Variants in IGF2BP3 observed in about 807,000 individuals in gnomAD.
The protein encoded by IGF2BP3 is insulin like growth factor 2 mRNA binding protein 3, also known as insulin-like growth factor 2 mRNA-binding protein 3.
In IGF2BP3, 9 loss-of-function variants were observed where a neutral mutation model predicts 73.8. That is an observed-to-expected ratio of 0.12 (90% confidence interval 0.07 to 0.21). The LOEUF is 0.21. Ranked by LOEUF, IGF2BP3 falls within the 10% of genes least tolerant of loss-of-function variation. IGF2BP3 has a pLI of 1.00. For synonymous variants in IGF2BP3, 258 were observed against 256.7 expected, an observed-to-expected ratio of 1.01 and a Z score of -0.05; for missense variants, 542 against 714.0, an observed-to-expected ratio of 0.76 and a Z score of 2.75.
chr7:23,422,385 T>C (rs1220638897), intron 2 of IGF2BP3, among the ~76,000 whole-genome samples: 3 of 151,472 alleles, frequency 2.0e-5, no homozygotes, highest in Admixed American at 2.0e-4. Context: ...GTGGGAGGAG[T>C]GCTTAAGGCC....
chr7:23,335,783 G>C (rs982105854), intron 10 of IGF2BP3, among the ~76,000 whole-genome samples: 16 of 152,156 alleles, frequency 1.1e-4, no homozygotes, highest in Non-Finnish European at 2.1e-4. Context: ...ATCCAGCTAA[G>C]GCGACACGCA....
chr7:23,313,585 A>G lies in IGF2BP3; in HGVS notation c.1464T>C (p.Leu488=). 1 of 1,614,062 alleles carries G rather than the reference A, an allele frequency of 6.2e-7. No homozygotes were observed. The highest frequency in any genetic ancestry group is 2.2e-5 in the East Asian group (1 of 44,882). ...AGGATGGCACTCTGATATGAGCTTC[A>G]AGTTTCACCTCTTCTTTAGGACTAA... ...NFVSPKEEVK[L]EAHIRVPSFA... is the part of the protein sequence containing the mutation. Residue 488 remains leucine, a synonymous_variant, in exon 13 of 15, where the codon CTT becomes CTC. Coordinates refer to ENST00000258729, the MANE Select transcript of IGF2BP3 (RefSeq NM_006547.3).
At chr7:23,443,497 C>T (rs749841243) in intron 2 of IGF2BP3, among the ~76,000 whole-genome samples, 4 of 151,926 alleles carry the variant, frequency 2.6e-5, no homozygotes, top group Non-Finnish European at 5.9e-5. Flanking sequence ...GAAACCCCAT[C>T]TCTACTGAAA....
rs1783896912 is a variant in IGF2BP3, at chr7:23,313,747, C to G, written c.1396-94G>C. 8 of 1,168,120 alleles carry G rather than the reference C, an allele frequency of 6.8e-6. No homozygotes were observed. In the South Asian group the frequency reaches 1.0e-4, roughly 15 times the overall value. The allele number at this position is 1,168,120 out of a possible 1,614,324, so 72.4% of individuals were successfully genotyped here. ...GATGGCCCAAATCCAAGTGGGATAG[C>G]CCTTTGCAGTGATACATCTACATTT... On this transcript the variant is annotated intron_variant, in intron 12 of 14. Coordinates refer to ENST00000258729, the MANE Select transcript of IGF2BP3 (RefSeq NM_006547.3).
chr7:23,391,286 G>A (rs866199018), intron 3 of IGF2BP3, among the ~76,000 whole-genome samples: 1 of 151,764 alleles, frequency 6.6e-6, no homozygotes, highest in African/African-American at 2.4e-5. Context: ...TTTTAGTAGA[G>A]ACATGGTTTA....
intron 12 of IGF2BP3, among the ~76,000 whole-genome samples, chr7:23,315,849 A>G (rs1783975204): frequency 6.6e-6 from 1 of 152,212 alleles, no homozygotes; most frequent in East Asian, 1.9e-4. Flanking sequence ...CACCAATCAC[A>G]TAAATAAAAT....
rs143915979 is a variant in IGF2BP3 at position 23,335,415 on chromosome 7, C to G, written c.1203+6649G>C. Among the ~76,000 whole-genome samples, 232 of 151,960 alleles carry G rather than the reference C, an allele frequency of 1.5e-3. 1 individual carries two copies. Among genetic ancestry groups the G allele is most frequent in the Non-Finnish European group, 2.7e-3 (183 of 67,968 alleles). ...CTTCCTACTTTAGCCTTCCAAGTAG[C>G]TGGGATAGGCAAAGGCCACCACCCC... On this transcript the variant is annotated intron_variant, in intron 10 of 14. Coordinates refer to ENST00000258729, the MANE Select transcript of IGF2BP3 (RefSeq NM_006547.3).
At chr7:23,335,613 T>A (rs1167388809) in intron 10 of IGF2BP3, among the ~76,000 whole-genome samples, 2 of 152,120 alleles carry the variant, frequency 1.3e-5, no homozygotes, top group African/African-American at 4.8e-5. Flanking sequence ...CCTAAAAAAG[T>A]GCTAATCTCT....
intron 3 of IGF2BP3, among the ~76,000 whole-genome samples, chr7:23,407,948 GGGGGC>G: frequency 1.4e-4 from 6 of 41,646 alleles, no homozygotes; most frequent in South Asian, 1.0e-3. Flanking sequence ...GTGGGGGGCA[GGGGGC>G]GGGGGGCGGG....
chr7:23,443,234 T>C (rs1787979203), intron 2 of IGF2BP3, among the ~76,000 whole-genome samples: 1 of 149,832 alleles, frequency 6.7e-6, no homozygotes, highest in Non-Finnish European at 1.5e-5. Context: ...CAAGCGATTC[T>C]CCTGCCTCAG....
At chr7:23,464,633 G>A (rs1202993442) in intron 2 of IGF2BP3, among the ~76,000 whole-genome samples, 1 of 151,408 alleles carries the variant, frequency 6.6e-6, no homozygotes, top group Non-Finnish European at 1.5e-5. Context: ...GCAGTGAGCC[G>A]AGATCGTGCC....
intron 3 of IGF2BP3, among the ~76,000 whole-genome samples, chr7:23,401,664 C>G (rs1212332597): frequency 3.9e-5 from 6 of 151,982 alleles, no homozygotes; most frequent in Non-Finnish European, 7.4e-5. Flanking sequence ...ACTTGACAGG[C>G]TGAGGCAGGA....
chr7:23,377,514 C>T (rs1785765654), intron 3 of IGF2BP3, among the ~76,000 whole-genome samples: 1 of 152,192 alleles, frequency 6.6e-6, no homozygotes, highest in Non-Finnish European at 1.5e-5. Context: ...CTGGAACCCT[C>T]AGACATCGTT....
At chr7:23,334,901 G>A (rs1236575848) in intron 10 of IGF2BP3, among the ~76,000 whole-genome samples, 1 of 152,082 alleles carries the variant, frequency 6.6e-6, no homozygotes, top group Non-Finnish European at 1.5e-5. Flanking sequence ...ATGCATGTCA[G>A]CCAACATGAT....
At chr7:23,435,802 GGCTGGAGGGCA>G (rs1325891011) in intron 2 of IGF2BP3, among the ~76,000 whole-genome samples, 1 of 151,994 alleles carries the variant, frequency 6.6e-6, no homozygotes. Context: ...CTGCAGCCCA[GGCTGGAGGGCA>G]GTGGTGCAAT....
intron 3 of IGF2BP3, among the ~76,000 whole-genome samples, chr7:23,366,301 C>A (rs1785369802): frequency 6.6e-6 from 1 of 152,060 alleles, no homozygotes; most frequent in Admixed American, 6.6e-5. Context: ...CTACACCCAG[C>A]TAATTTTCGT....
chr7:23,354,183 G>A (rs530567271), intron 5 of IGF2BP3, among the ~76,000 whole-genome samples: 97 of 152,194 alleles, frequency 6.4e-4, no homozygotes, highest in African/African-American at 2.3e-3. Flanking sequence ...TAGTAGAGAT[G>A]GGTTTTGCTA....
chr7:23,396,174 G>A (rs1054982220), intron 3 of IGF2BP3, among the ~76,000 whole-genome samples: 29 of 152,020 alleles, frequency 1.9e-4, no homozygotes, highest in Admixed American at 4.6e-4. Flanking sequence ...TAACATGGGA[G>A]GACAGAGCCC....
rs149166247 is a variant in IGF2BP3, at chr7:23,454,626, A to C, written c.236+13856T>G. The stretch of plus-strand genomic sequence containing the variant: ...CTCATTTACAGATTTTAAAAACAGA[A>C]ATCTCAGAGTTTAATCAGTTTGCAC... On this transcript the variant is annotated intron_variant, in intron 2 of 14. Transcript: ENST00000258729. Among the ~76,000 whole-genome samples, 560 of 152,310 alleles carry C rather than the reference A, an allele frequency of 3.7e-3. 2 individuals carry two copies. The highest frequency in any genetic ancestry group is 0.02 in the Middle Eastern group (6 of 294).
Sources: allele counts gnomAD v4.1 joint callset (sites outside exome capture counted in the v4.1 genomes callset), GRCh38; gene constraint gnomAD v4.1.1; transcripts MANE v1.5; gene names NCBI Gene and HGNC (gene_info 2026-07-23, HGNC 2026-07-21).